Variants in CFAP20DC observed in about 807,000 individuals in gnomAD.
CFAP20DC encodes protein CFAP20DC.
Under a neutral mutation model 101.7 loss-of-function variants are expected in CFAP20DC, and 84 were observed. The ratio of observed to expected loss-of-function variants is 0.83; its 90% CI spans 0.69 to 0.99. The LOEUF (loss-of-function observed/expected upper bound fraction) is 0.99, where lower values mean the gene tolerates loss of function less well. Among genes scored for constraint, CFAP20DC ranks in the 50% least tolerant of loss-of-function variants. The pLI, the probability that CFAP20DC is intolerant of heterozygous loss-of-function variation, is 0.00. For missense variants in CFAP20DC, 1,007 were observed against 970.3 expected (o/e 1.04, Z -0.50); for synonymous variants, 359 against 351.2 (o/e 1.02, Z -0.25).
At chr3:58,902,897 T>C (rs2083271248) in intron 6 of CFAP20DC, among the ~76,000 whole-genome samples, 2 of 152,218 alleles carry the variant, frequency 1.3e-5, no homozygotes, top group Non-Finnish European at 2.9e-5. Flanking sequence ...ATATTGTTTT[T>C]TTAATTTTTT....
rs954767891 is a variant in CFAP20DC at position 58,884,458 on chromosome 3, G to C, written c.715+87C>G. On this transcript the variant is annotated intron_variant, in intron 7 of 16. Transcript: ENST00000482387. ...AAGTGCGAAGGATATAGAAGAATGA[G>C]GTACAGTGCCCTTTTTGGAGGAAGT... 10 of 1,240,228 alleles carry C rather than the reference G, an allele frequency of 8.1e-6. No homozygotes were observed. The East Asian group carries it at 2.3e-4, about 29-fold the overall frequency. 76.8% of individuals were successfully genotyped at this position (1,240,228 alleles called of 1,614,324 possible).
intron 4 of CFAP20DC, among the ~76,000 whole-genome samples, chr3:58,989,461 C>G (rs1007290047): frequency 6.6e-6 from 1 of 152,056 alleles, no homozygotes; most frequent in African/African-American, 2.4e-5. Context: ...TTCAATATCA[C>G]TGAAGTATGC....
At chr3:58,737,902 T>C (rs980613115), downstream of CFAP20DC, among the ~76,000 whole-genome samples, 22 of 152,248 alleles carry the variant, frequency 1.4e-4, no homozygotes, top group African/African-American at 5.1e-4. The surrounding 1 kb of genome is among the most constrained non-coding windows in gnomAD (Gnocchi z 4.1). Context: ...ATCTGTCATT[T>C]GCATTCTCTT....
At position 58,813,717 on chromosome 3, in the gene CFAP20DC, AC is replaced by A. The variant is rs1200579499; in HGVS notation, c.2176-7262del. 1.1e-4 allele frequency among the ~76,000 whole-genome samples: 17 copies of A among 151,858 alleles called. No individual in the cohort carries two copies. In the East Asian group the frequency reaches 3.3e-3, roughly 29 times the overall value. On this transcript the variant is annotated intron_variant, in intron 14 of 16. Transcript: ENST00000482387. ...AGTGTTCCTTTAATTTAAATCAAACACCCCATCTGATAATCACAGTCACTTA... is the reference window on the plus strand; with the variant it reads ...AGTGTTCCTTTAATTTAAATCAAACACCCATCTGATAATCACAGTCACTTA...
chr3:58,767,908 T>C (rs948990151), intron 15 of CFAP20DC, among the ~76,000 whole-genome samples: 4 of 152,238 alleles, frequency 2.6e-5, no homozygotes, highest in African/African-American at 9.6e-5. Flanking sequence ...TCACATTTCA[T>C]CTTCAAGTAG....
chr3:59,032,287 G>A (rs750438712), intron 4 of CFAP20DC, among the ~76,000 whole-genome samples: 6 of 152,136 alleles, frequency 3.9e-5, no homozygotes, highest in Non-Finnish European at 5.9e-5. Flanking sequence ...GGCAAACACC[G>A]AGATAGCTGC....
chr3:58,892,166 CT>C lies in CFAP20DC; in HGVS notation c.551-7458del, dbSNP rs2082309821. 6.6e-6 allele frequency among the ~76,000 whole-genome samples: 1 copy of C among 152,242 alleles called. No homozygotes were observed. Among genetic ancestry groups the C allele is most frequent in the South Asian group, 2.1e-4 (1 of 4,822 alleles). On this transcript the variant is annotated intron_variant, in intron 6 of 16. Transcript: ENST00000482387. The surrounding 1 kb of genome is among the most constrained non-coding windows in gnomAD (Gnocchi z 4.0). ...GTAGATGTGTGGCCTTATTTCTAGG[CT>C]CTCTATTCTCTTCCACTGGTCTATG...
chr3:58,831,990 A>G (rs1259310456), intron 13 of CFAP20DC, 101 bp from the exon 14 acceptor site: 5 of 937,174 alleles, frequency 5.3e-6, no homozygotes, highest in Non-Finnish European at 8.4e-6. Flanking sequence ...CCCCCAACTG[A>G]CAGAGGCCCA....
chr3:58,893,812 A>G (rs2082448358), intron 6 of CFAP20DC, among the ~76,000 whole-genome samples: 1 of 149,918 alleles, frequency 6.7e-6, no homozygotes, highest in Non-Finnish European at 1.5e-5. Context: ...AGCCTGTATT[A>G]GTCTGTTTTC....
chr3:58,819,164 C>T (rs1438817212), intron 14 of CFAP20DC, among the ~76,000 whole-genome samples: 1 of 147,322 alleles, frequency 6.8e-6, no homozygotes, highest in East Asian at 2.1e-4. Flanking sequence ...AAATTTATAG[C>T]ACTAAATGCC....
At position 58,812,625 on chromosome 3, in the gene CFAP20DC, C is replaced by A. The variant is rs550256667; in HGVS notation, c.2176-6169G>T. On this transcript the variant is annotated intron_variant, in intron 14 of 16. Coordinates refer to ENST00000482387, the MANE Select transcript of CFAP20DC (RefSeq NM_001394063.1). ...ATGCTAAATGACGAGTTAATGGGTG[C>A]AGCACACCAGCATGGCACATGTATA... Among the ~76,000 whole-genome samples, 322 of 151,712 alleles carry A rather than the reference C, an allele frequency of 2.1e-3. 11 individuals are homozygous for A. The highest frequency in any genetic ancestry group is 7.6e-3 in the African/African-American group (313 of 41,140).
chr3:58,762,558 G>T (rs2107387374), intron 15 of CFAP20DC, among the ~76,000 whole-genome samples: 1 of 151,852 alleles, frequency 6.6e-6, no homozygotes, highest in African/African-American at 2.4e-5. Flanking sequence ...ATATTGTTAT[G>T]TGTGAATTTG....
In CFAP20DC at chr3:58,824,956, C is replaced by T. The variant is rs548609591; in HGVS notation, c.2175+6730G>A. Among the ~76,000 whole-genome samples the T allele has an allele frequency of 3.0e-4, 46 of 152,006 alleles. No homozygotes were observed. In the South Asian group the frequency reaches 9.2e-3, roughly 30 times the overall value. ...GAATACAGACCTGTGCCACCATGCC[C>T]CCGTTCAGGTTATGTTAATTATTAA... On this transcript the variant is annotated intron_variant, in intron 14 of 16. Transcript: ENST00000482387.
chr3:58,910,178 CTT>C (rs975524834), intron 6 of CFAP20DC, among the ~76,000 whole-genome samples: 3 of 152,154 alleles, frequency 2.0e-5, no homozygotes, highest in Middle Eastern at 3.4e-3. Context: ...GCTATTAAGA[CTT>C]TACTTTTTTG....
Position 58,948,293 on chromosome 3 carries a change from T to C in CFAP20DC, c.279-10531A>G, listed in dbSNP as rs538104976. ...CCCCTTCTCTCTTTATTATGCCAAC[T>C]GAAATTATATTCATCTATCACAGTT... On this transcript the variant is annotated intron_variant, in intron 4 of 16. Coordinates refer to ENST00000482387, the MANE Select transcript of CFAP20DC (RefSeq NM_001394063.1). Among the ~76,000 whole-genome samples the C allele has an allele frequency of 1.2e-4, 18 of 152,378 alleles. No homozygotes were observed. In the South Asian group the frequency reaches 2.1e-3, roughly 18 times the overall value.
chr3:58,967,882 C>A (rs922368188), intron 4 of CFAP20DC, among the ~76,000 whole-genome samples: 1 of 152,100 alleles, frequency 6.6e-6, no homozygotes, highest in African/African-American at 2.4e-5. Context: ...CTCAAGTAGA[C>A]CCCAGTGTCT....
chr3:58,948,316 GT>G (rs1379886939), intron 4 of CFAP20DC, among the ~76,000 whole-genome samples: 2 of 152,196 alleles, frequency 1.3e-5, no homozygotes, highest in African/African-American at 2.4e-5. Context: ...ATCTATCACA[GT>G]TTGAGTTGAA....
chr3:58,996,986 G>A (rs1446546100), intron 4 of CFAP20DC, among the ~76,000 whole-genome samples: 1 of 152,184 alleles, frequency 6.6e-6, no homozygotes, highest in Non-Finnish European at 1.5e-5. Flanking sequence ...TCAAGCTGTG[G>A]TGGGAAGCAC....
chr3:59,031,879 A>G (rs1329919681), intron 4 of CFAP20DC, among the ~76,000 whole-genome samples: 1 of 152,208 alleles, frequency 6.6e-6, no homozygotes, highest in Non-Finnish European at 1.5e-5. Flanking sequence ...AAAGTAGTAT[A>G]AAATCATCTT....
Sources: allele counts gnomAD v4.1 joint callset (sites outside exome capture counted in the v4.1 genomes callset), GRCh38; gene constraint gnomAD v4.1.1; non-coding constraint Gnocchi (gnomAD v3.1); transcripts MANE v1.5; gene names NCBI Gene and HGNC (gene_info 2026-07-23, HGNC 2026-07-21).